Variants in MXD1 observed in about 807,000 individuals in gnomAD.
MXD1 encodes the protein MAX dimerization protein 1, also known as MAX-binding protein.
A neutral mutation model predicts 25.7 loss-of-function variants in MXD1; 9 were observed. That is an observed-to-expected ratio of 0.35 (90% CI 0.21 to 0.61). MXD1 has a LOEUF of 0.61. Ranked by LOEUF, MXD1 falls within the 20% of genes least tolerant of loss-of-function variation. MXD1 has a pLI of 0.75. For missense variants in MXD1, 227 were observed against 292.4 expected (o/e 0.78, Z 1.63); for synonymous variants, 99 against 113.9 (o/e 0.87, Z 0.83).
rs1266055077 is a variant in MXD1 at position 69,940,945 on chromosome 2, A to G, written c.*2661A>G. 2 of 152,646 alleles carry G rather than the reference A, an allele frequency of 1.3e-5. No homozygotes were observed. The highest frequency in any genetic ancestry group is 4.8e-5 in the African/African-American group (2 of 41,454). The allele number at this position is 152,646 out of a possible 1,614,324, so 9.5% of individuals were successfully genotyped here. A position where few individuals can be genotyped will look rare whatever the true frequency, so the allele number is the denominator to read the frequency against. On this transcript the variant is annotated 3_prime_UTR_variant, in exon 6 of 6. Transcript: ENST00000264444. ...GTCCTCTCTCATTCACTGATCCACC[A>G]GCCTGACTGCTAAGAGCTATAGTCT...
At chr2:69,921,639 A>G in intron 2 of MXD1, 97 bp from the exon 3 acceptor site, 3 of 1,159,072 alleles carry the variant, frequency 2.6e-6, no homozygotes, top group Non-Finnish European at 3.6e-6. Context: ...TCTCCTATCA[A>G]CTTTGGAGAG....
chr2:69,938,222 T>G lies in MXD1; in HGVS notation c.604T>G (p.Ser202Ala), dbSNP rs748444588. 1 of 1,614,160 alleles carries G rather than the reference T, an allele frequency of 6.2e-7. No individual in the cohort carries two copies. The highest frequency in any genetic ancestry group is 1.1e-5 in the South Asian group (1 of 91,086). ...GAGCCTCGGCAGTGATGAGGGCTAT[T>G]CCAGCACCAGCATCAAGAGAATAAA... ...MQSLGSDEGY[S>A]STSIKRIKLQ... The change falls in exon 6 of 6, where the codon TCC becomes GCC. Residue 202 changes from serine to alanine, a missense_variant. Transcript: ENST00000264444.
chr2:69,932,308 T>C (rs1677306784), intron 3 of MXD1, among the ~76,000 whole-genome samples: 1 of 152,154 alleles, frequency 6.6e-6, no homozygotes, highest in South Asian at 2.1e-4. Flanking sequence ...GTTTGCTTTT[T>C]TATCTGGTTC....
In MXD1 at chr2:69,915,437, G is replaced by T; in HGVS notation, c.73+34G>T. The T allele has an allele frequency of 7.9e-7, 1 of 1,260,232 alleles. No individual in the cohort carries two copies. Among genetic ancestry groups the T allele is most frequent in the Non-Finnish European group, 1.0e-6 (1 of 992,498 alleles). The allele number at this position is 1,260,232 out of a possible 1,614,324, so 78.1% of individuals were successfully genotyped here. ...GGACGGGGAGGGGTCCACTCGAAAC[G>T]AGGCCGGGGGTCCTGTGGGGCCGGC... On this transcript the variant is annotated intron_variant, in intron 1 of 5. Coordinates refer to ENST00000264444, the MANE Select transcript of MXD1 (RefSeq NM_002357.4). The surrounding 1 kb of genome is among the most constrained non-coding windows in gnomAD (Gnocchi z 5.8).
intron 3 of MXD1, among the ~76,000 whole-genome samples, chr2:69,928,226 A>T (rs540491300): frequency 6.6e-6 from 1 of 152,344 alleles, no homozygotes; most frequent in Non-Finnish European, 1.5e-5. Context: ...TTAATTGGGT[A>T]AGTCTGGCCC....
At position 69,915,118 on chromosome 2, in the gene MXD1, CG is replaced by C. The variant is rs922906379; in HGVS notation, c.-210del. The C allele has an allele frequency of 2.4e-6, 1 of 409,426 alleles. No individual in the cohort carries two copies. The highest frequency in any genetic ancestry group is 2.1e-5 in the African/African-American group (1 of 48,780). 25.4% of individuals were successfully genotyped at this position (409,426 alleles called of 1,614,324 possible). ...GGCGGTGGCGGCTGCTGCTCTGCTC[CG>C]GGTTCTGTCACTGTGTCGGCGGTGC... is the stretch of plus-strand genomic sequence containing the variant. On this transcript the variant is annotated 5_prime_UTR_variant, in exon 1 of 6. Transcript: ENST00000264444. The surrounding 1 kb of genome is among the most constrained non-coding windows in gnomAD (Gnocchi z 5.8).
At chr2:69,921,635 A>G (rs960554987) in intron 2 of MXD1, 101 bp from the exon 3 acceptor site, 2 of 1,110,730 alleles carry the variant, frequency 1.8e-6, no homozygotes, top group African/African-American at 1.6e-5. Context: ...CATCTCTCCT[A>G]TCAACTTTGG....
At chr2:69,937,415 T>C (rs1020903637) in intron 5 of MXD1, 21 bp downstream of exon 5, 1 of 1,576,674 alleles carries the variant, frequency 6.3e-7, no homozygotes. Flanking sequence ...CTCACTCTCC[T>C]CCCTGTCTCC....
At chr2:69,937,082 C>T (rs1448720145) in intron 4 of MXD1, 153 bp from the exon 5 acceptor site, 3 of 991,268 alleles carry the variant, frequency 3.0e-6, no homozygotes, top group East Asian at 2.4e-5. Context: ...ACTGGCCAGT[C>T]GACTTCCTGT....
At chr2:69,934,740 A>G (rs1677380132) in intron 3 of MXD1, among the ~76,000 whole-genome samples, 1 of 152,222 alleles carries the variant, frequency 6.6e-6, no homozygotes, top group Admixed American at 6.5e-5. Flanking sequence ...TATCTGGAAA[A>G]TCTTTCCTAA....
intron 2 of MXD1, among the ~76,000 whole-genome samples, chr2:69,919,160 T>G (rs953954378): frequency 1.3e-5 from 2 of 152,190 alleles, no homozygotes; most frequent in African/African-American, 4.8e-5. Context: ...TAACTCTATT[T>G]ATTAGTTTAT....
At position 69,939,438 on chromosome 2, in the gene MXD1, C is replaced by G. The variant is rs1215626160; in HGVS notation, c.*1154C>G. 6.6e-6 allele frequency: 1 copy of G among 152,572 alleles called. No individual in the cohort carries two copies. Among genetic ancestry groups the G allele is most frequent in the Non-Finnish European group, 1.5e-5 (1 of 68,024 alleles). The allele number at this position is 152,572 out of a possible 1,614,324, so 9.5% of individuals were successfully genotyped here. On this transcript the variant is annotated 3_prime_UTR_variant, in exon 6 of 6. Coordinates refer to ENST00000264444, the MANE Select transcript of MXD1 (RefSeq NM_002357.4). ...GGTTATGATTTCTCCCTTAAGTGGT[C>G]TCCGACTTTGTAGCATTTTTATTTA...
At chr2:69,921,794 C>T (rs543470285) in intron 3 of MXD1, 29 bp downstream of exon 3, 19 of 1,598,086 alleles carry the variant, frequency 1.2e-5, no homozygotes, top group African/African-American at 9.1e-5. Flanking sequence ...AGGTGGAATG[C>T]GGGGAGCTTT....
At chr2:69,930,677 A>T (rs1274596820) in intron 3 of MXD1, among the ~76,000 whole-genome samples, 1 of 152,236 alleles carries the variant, frequency 6.6e-6, no homozygotes, top group Non-Finnish European at 1.5e-5. Context: ...ATTTTGCCAG[A>T]TAGCCTCTGT....
At chr2:69,929,173 G>A (rs373689527) in intron 3 of MXD1, among the ~76,000 whole-genome samples, 14 of 152,302 alleles carry the variant, frequency 9.2e-5, no homozygotes, top group East Asian at 1.9e-4. Flanking sequence ...GATTACAGGC[G>A]TGAGCCACTG....
chr2:69,917,836 AAAAAT>A (rs1172248328), intron 2 of MXD1, among the ~76,000 whole-genome samples: 3 of 121,740 alleles, frequency 2.5e-5, no homozygotes, highest in Middle Eastern at 3.6e-3. Flanking sequence ...CCAAAAAAAA[AAAAAT>A]AAAGGCTACA....
At chr2:69,927,332 C>T (rs1233946571) in intron 3 of MXD1, among the ~76,000 whole-genome samples, 1 of 152,154 alleles carries the variant, frequency 6.6e-6, no homozygotes, top group Non-Finnish European at 1.5e-5. Context: ...TCAGATTTCA[C>T]TCTGGGATGT....
rs998686132 is a variant in MXD1 at position 69,915,959 on chromosome 2, A to T, written c.74-162A>T. ...GCTCCGAATTGACGATATTCACACA[A>T]TTTTTTTTTAAATCATTGTTCTCAG... is the stretch of plus-strand genomic sequence containing the variant. On this transcript the variant is annotated intron_variant, in intron 1 of 5. Coordinates refer to ENST00000264444, the MANE Select transcript of MXD1 (RefSeq NM_002357.4). This position sits in a 1 kb window ranked among gnomAD's most constrained non-coding sequence, Gnocchi z 5.8. 6.6e-6 allele frequency among the ~76,000 whole-genome samples: 1 copy of T among 152,022 alleles called. No homozygotes were observed. The highest frequency in any genetic ancestry group is 2.4e-5 in the African/African-American group (1 of 41,400).
chr2:69,936,192 C>T (rs958732856), intron 4 of MXD1, among the ~76,000 whole-genome samples: 1 of 152,134 alleles, frequency 6.6e-6, no homozygotes. Context: ...GATAATCCTT[C>T]GCTGACTTTC....
Sources: allele counts gnomAD v4.1 joint callset (sites outside exome capture counted in the v4.1 genomes callset), GRCh38; gene constraint gnomAD v4.1.1; non-coding constraint Gnocchi (gnomAD v3.1); transcripts MANE v1.5; gene names NCBI Gene and HGNC (gene_info 2026-07-23, HGNC 2026-07-21).